FRAS1: variants seen among roughly 807,000 people sequenced by gnomAD.
FRAS1 encodes the protein extracellular matrix organizing protein FRAS1.
Under a neutral mutation model 435.2 loss-of-function variants are expected in FRAS1, and 290 were observed. That is an observed-to-expected ratio of 0.67 (90% CI 0.61 to 0.73). The LOEUF is 0.73. FRAS1 is among the 30% of genes least tolerant of loss of function. The pLI is 0.00. For missense variants in FRAS1, 4,860 were observed against 5,001.5 expected (o/e 0.97, Z 0.85); for synonymous variants, 1,800 against 1,851.0 (o/e 0.97, Z 0.71).
At chr4:78,227,873 T>C (rs1004791952) in intron 2 of FRAS1, among the ~76,000 whole-genome samples, 1 of 152,218 alleles carries the variant, frequency 6.6e-6, no homozygotes, top group African/African-American at 2.4e-5. Context: ...TTTTCAGCAA[T>C]GACATCATAA....
intron 1 of FRAS1, among the ~76,000 whole-genome samples, chr4:78,061,803 C>CA (rs567211552): frequency 2.0e-5 from 3 of 151,986 alleles, no homozygotes; most frequent in East Asian, 3.8e-4. Flanking sequence ...AAACCAAAGC[C>CA]AAAAAAACCT....
rs1721820771 is a variant in FRAS1, at chr4:78,534,491, G to T, written c.10968G>T (p.Val3656=). 2.5e-6 allele frequency: 4 copies of T among 1,613,704 alleles called. No individual in the cohort carries two copies. The highest frequency in any genetic ancestry group is 1.7e-5 in the Admixed American group (1 of 59,998). Residue 3656 remains valine (V), a synonymous_variant, in exon 71 of 74, where the codon GTG becomes GTT. Transcript: ENST00000512123. The part of the protein sequence containing the change: ...PIAFQQTNRP[V]PVVYSLNTEF... Reference sequence around the variant, plus strand: ...CATTCCAGCAGACCAACCGCCCTGTGCCAGTTGTGTATTCACTTAACACTG... The same window carrying T: ...CATTCCAGCAGACCAACCGCCCTGTTCCAGTTGTGTATTCACTTAACACTG...
chr4:78,195,751 G>A (rs1288603719), intron 2 of FRAS1, among the ~76,000 whole-genome samples: 3 of 152,018 alleles, frequency 2.0e-5, no homozygotes, highest in Non-Finnish European at 4.4e-5. Flanking sequence ...CCCTGCTTCG[G>A]CTCACACTCA....
At chr4:78,418,820 C>T (rs1490025595) in intron 32 of FRAS1, 129 bp from the exon 33 acceptor site, 6 of 574,014 alleles carry the variant, frequency 1.0e-5, no homozygotes, top group East Asian at 6.1e-5. Flanking sequence ...TTTGAACTCT[C>T]GAAAATTTGA....
intron 2 of FRAS1, among the ~76,000 whole-genome samples, chr4:78,088,631 C>T (rs1400785282): frequency 6.6e-6 from 1 of 152,150 alleles, no homozygotes; most frequent in African/African-American, 2.4e-5. Context: ...TATGAACAGA[C>T]ACTTCTCAAA....
At position 78,481,916 on chromosome 4, in the gene FRAS1, C is replaced by A; in HGVS notation, c.8556C>A (p.Tyr2852Ter). ...CTTCTGCCACACCAGGAGTTGACTACGTTCCCAGCTCTCGGAAGGTGGAAT... is the reference window on the plus strand; with the variant it reads ...CTTCTGCCACACCAGGAGTTGACTAAGTTCCCAGCTCTCGGAAGGTGGAAT... Reference protein sequence around the residue: ...DPASATPGVDYVPSSRKVEFG... With the variant: ...DPASATPGVD Residue 2852 changes from tyrosine (Y) to a stop codon, truncating the protein, a stop_gained, in exon 57 of 74, where the codon TAC becomes TAA. Transcript: ENST00000512123. LOFTEE classifies it high-confidence loss of function. 1 of 1,613,862 alleles carries A rather than the reference C, an allele frequency of 6.2e-7. No homozygotes were observed.
intron 20 of FRAS1, among the ~76,000 whole-genome samples, chr4:78,343,983 T>A (rs1442706123): frequency 6.6e-6 from 1 of 152,146 alleles, no homozygotes; most frequent in African/African-American, 2.4e-5. Flanking sequence ...ACTTTAAACA[T>A]GTAGCTGTTG....
At chr4:78,430,451 T>G (rs769247417) in intron 37 of FRAS1, 34 bp downstream of exon 37, 4 of 1,588,112 alleles carry the variant, frequency 2.5e-6, no homozygotes, top group Middle Eastern at 3.8e-4. Context: ...GTCACTGACC[T>G]GCTTGGAGGA....
rs746304742 is a variant in FRAS1 at position 78,374,147 on chromosome 4, A to G, written c.3047A>G (p.His1016Arg). 5.0e-6 allele frequency: 8 copies of G among 1,605,182 alleles called. No homozygotes were observed. Among genetic ancestry groups the G allele is most frequent in the Non-Finnish European group, 6.8e-6 (8 of 1,173,430 alleles). Residue 1016 changes from histidine (H) to arginine (R), a missense_variant, in exon 25 of 74, where the codon CAT becomes CGT. By Grantham distance (29) the His-to-Arg change is conservative (BLOSUM62 0). Transcript: ENST00000512123. Reference sequence around the variant, plus strand: ...TACTGTCTCCAGTGCCAAGGTCCCCATGAGTGTACCCGCTGCAAAGGGCCA... The same window carrying G: ...TACTGTCTCCAGTGCCAAGGTCCCCGTGAGTGTACCCGCTGCAAAGGGCCA... ...DSYCLQCQGP[H>R]ECTRCKGPFL... is the part of the protein sequence containing the mutation.
At chr4:78,080,869 G>C (rs145104098) in intron 2 of FRAS1, among the ~76,000 whole-genome samples, 4 of 152,106 alleles carry the variant, frequency 2.6e-5, no homozygotes, top group Non-Finnish European at 5.9e-5. Context: ...GTCCCAGGAC[G>C]TCTTACTGAA....
intron 59 of FRAS1, among the ~76,000 whole-genome samples, chr4:78,491,745 A>G (rs1460741999): frequency 6.6e-6 from 1 of 152,224 alleles, no homozygotes. Flanking sequence ...CCTGCACAAG[A>G]CAAAGATGCC....
At chr4:78,113,333 G>A (rs1339681451) in intron 2 of FRAS1, among the ~76,000 whole-genome samples, 1 of 152,170 alleles carries the variant, frequency 6.6e-6, no homozygotes, top group Non-Finnish European at 1.5e-5. Context: ...AATCCTTTGG[G>A]TATGTAACCA....
intron 2 of FRAS1, among the ~76,000 whole-genome samples, chr4:78,118,930 T>C (rs1469907334): frequency 6.6e-6 from 1 of 152,210 alleles, no homozygotes; most frequent in African/African-American, 2.4e-5. Context: ...AGCTGTAGAC[T>C]GGAGCTGTTC....
At chr4:78,114,052 G>A (rs1379711115) in intron 2 of FRAS1, among the ~76,000 whole-genome samples, 2 of 152,154 alleles carry the variant, frequency 1.3e-5, no homozygotes, top group African/African-American at 2.4e-5. Flanking sequence ...TATATGGCTA[G>A]CCAGTTTTCC....
In FRAS1 at chr4:78,438,894, T is replaced by C. The variant is rs747065043; in HGVS notation, c.5367-8T>C. On this transcript the variant is annotated splice_region_variant and splice_polypyrimidine_tract_variant and intron_variant, in intron 39 of 73. Transcript: ENST00000512123. The stretch of plus-strand genomic sequence containing the variant: ...CTTATTCATTTGATTCTTTTTGTTT[T>C]TTTATAGATACTCAGCTGTGTTTGA... 7 of 1,590,566 alleles carry C rather than the reference T, an allele frequency of 4.4e-6. No individual in the cohort carries two copies. The highest frequency in any genetic ancestry group is 6.0e-6 in the Non-Finnish European group (7 of 1,172,360).
At position 78,138,430 on chromosome 4, in the gene FRAS1, G is replaced by A. The variant is rs183183524; in HGVS notation, c.108+72414G>A. ...AGGGAAAAGTAACCTAGGGATCAGC[G>A]ATATTACTGATAAGCCTGGACTTTC... On this transcript the variant is annotated intron_variant, in intron 2 of 73. Coordinates refer to ENST00000512123, the MANE Select transcript of FRAS1 (RefSeq NM_025074.7). 1.2e-3 allele frequency among the ~76,000 whole-genome samples: 187 copies of A among 152,312 alleles called. 1 individual carries two copies. Among genetic ancestry groups the A allele is most frequent in the African/African-American group, 4.3e-3 (180 of 41,576 alleles).
intron 2 of FRAS1, among the ~76,000 whole-genome samples, chr4:78,072,963 T>C (rs1482488052): frequency 6.6e-6 from 1 of 152,060 alleles, no homozygotes; most frequent in Non-Finnish European, 1.5e-5. Context: ...CACCTGTGGA[T>C]AGAAGGTTAG....
chr4:78,511,652 A>G, intron 64 of FRAS1, 146 bp downstream of exon 64: 1 of 730,206 alleles, frequency 1.4e-6, no homozygotes, highest in Non-Finnish European at 2.4e-6. Context: ...AAATCTGTGA[A>G]GGTCCCTCAA....
At chr4:78,212,733 A>G (rs1430658413) in intron 2 of FRAS1, among the ~76,000 whole-genome samples, 1 of 152,210 alleles carries the variant, frequency 6.6e-6, no homozygotes, top group Non-Finnish European at 1.5e-5. Flanking sequence ...TCACTGAAAT[A>G]TTGATTCTAC....
Sources: gnomAD v4.1 joint callset for allele counts (sites outside exome capture counted in the v4.1 genomes callset) on GRCh38, gnomAD v4.1.1 for gene constraint, MANE v1.5 for transcripts, NCBI Gene and HGNC (gene_info 2026-07-23, HGNC 2026-07-21) for gene names.